Variants in GPC5 observed in about 807,000 individuals in gnomAD.
GPC5 encodes glypican-5.
GPC5 carries 47 observed loss-of-function variants against 53.9 expected under a neutral mutation model. That is an observed-to-expected ratio of 0.87 (90% CI 0.69 to 1.11). The LOEUF (loss-of-function observed/expected upper bound fraction) is 1.11, where lower values mean the gene tolerates loss of function less well. Ranked by LOEUF, GPC5 falls within the 50% of genes most tolerant of loss-of-function variation. The pLI is 0.00. For synonymous variants in GPC5, 286 were observed against 263.3 expected (o/e 1.09, Z -0.84); for missense variants, 748 against 713.1 (o/e 1.05, Z -0.56).
chr13:92,032,039 T>A (rs1467582695), intron 6 of GPC5, among the ~76,000 whole-genome samples: 13 of 135,454 alleles, frequency 9.6e-5, no homozygotes, highest in African/African-American at 3.6e-4. Context: ...TATATAAAAA[T>A]TTATATATAT....
chr13:92,073,463 G>A (rs2041228936), intron 6 of GPC5, among the ~76,000 whole-genome samples: 1 of 152,190 alleles, frequency 6.6e-6, no homozygotes, highest in African/African-American at 2.4e-5. Flanking sequence ...CTGGACAAAT[G>A]TAGGGCCTTC....
chr13:92,217,345 CCTG>C (rs1317788089), intron 7 of GPC5, among the ~76,000 whole-genome samples: 1 of 152,098 alleles, frequency 6.6e-6, no homozygotes, highest in Non-Finnish European at 1.5e-5. Context: ...TAGTAAGAAC[CCTG>C]CTAAGTCAGT....
chr13:91,970,788 A>C (rs1346908518), intron 6 of GPC5, among the ~76,000 whole-genome samples: 3 of 152,198 alleles, frequency 2.0e-5, no homozygotes, highest in African/African-American at 7.2e-5. Context: ...GTGAATGTTG[A>C]ACCAACCTTG....
At chr13:92,205,714 C>T (rs880546) in intron 7 of GPC5, among the ~76,000 whole-genome samples, 25,375 of 152,042 alleles carry the variant, frequency 0.17, 2,404 homozygotes, top group Admixed American at 0.21. Flanking sequence ...ATATACCTAA[C>T]GTTTGGAGGA....
At chr13:91,792,507 C>A (rs781450508) in intron 5 of GPC5, among the ~76,000 whole-genome samples, 1 of 152,200 alleles carries the variant, frequency 6.6e-6, no homozygotes, top group South Asian at 2.1e-4. Flanking sequence ...ACCACTCTGA[C>A]TTTCACCCTT....
intron 7 of GPC5, among the ~76,000 whole-genome samples, chr13:92,642,697 C>T (rs1318754687): frequency 6.6e-6 from 1 of 152,050 alleles, no homozygotes; most frequent in East Asian, 1.9e-4. Flanking sequence ...ACAGTTTAGC[C>T]GAGGGGAGCT....
chr13:91,968,007 C>T (rs1420505362), intron 6 of GPC5, among the ~76,000 whole-genome samples: 1 of 151,746 alleles, frequency 6.6e-6, no homozygotes, highest in Non-Finnish European at 1.5e-5. Flanking sequence ...TCTTTGGGAC[C>T]ATTATACTTT....
intron 4 of GPC5, among the ~76,000 whole-genome samples, chr13:91,743,669 GA>G: frequency 6.6e-6 from 1 of 152,238 alleles, no homozygotes; most frequent in East Asian, 1.9e-4. Context: ...CGAACTAGTA[GA>G]AAAAATTGTG....
intron 7 of GPC5, among the ~76,000 whole-genome samples, chr13:92,605,194 GA>G (rs1246661838): frequency 1.3e-5 from 2 of 152,176 alleles, no homozygotes; most frequent in Non-Finnish European, 2.9e-5. Context: ...AGAAAAAAGG[GA>G]AAGGCAATCA....
chr13:91,592,386 C>T (rs1036663678), intron 2 of GPC5, among the ~76,000 whole-genome samples: 3 of 152,104 alleles, frequency 2.0e-5, no homozygotes, highest in Admixed American at 1.3e-4. Context: ...CGAGCCTTGT[C>T]AGAGCCCCCT....
chr13:92,740,921 T>G (rs1208699800), intron 7 of GPC5, among the ~76,000 whole-genome samples: 3 of 143,384 alleles, frequency 2.1e-5, no homozygotes, highest in Admixed American at 7.1e-5. Context: ...TATATATATG[T>G]GCATATGTAT....
chr13:92,238,944 G>A (rs1195760485), intron 7 of GPC5, among the ~76,000 whole-genome samples: 1 of 150,778 alleles, frequency 6.6e-6, no homozygotes, highest in Non-Finnish European at 1.5e-5. Context: ...GTGAGGTAGG[G>A]CTCCAGTTTA....
At chr13:92,213,304 A>AT (rs1239568765) in intron 7 of GPC5, among the ~76,000 whole-genome samples, 1 of 152,066 alleles carries the variant, frequency 6.6e-6, no homozygotes, top group African/African-American at 2.4e-5. Flanking sequence ...CTTACAAATC[A>AT]TTTTTTTAAT....
chr13:92,787,679 A>AAAAG (rs1566418552), intron 7 of GPC5, among the ~76,000 whole-genome samples: 1 of 148,922 alleles, frequency 6.7e-6, no homozygotes, highest in African/African-American at 2.5e-5. Flanking sequence ...AAAAAAAAAA[A>AAAAG]AAAAGAAAAG....
At chr13:91,971,231 T>C (rs147958810) in intron 6 of GPC5, among the ~76,000 whole-genome samples, 5,135 of 152,254 alleles carry the variant, frequency 0.034, 305 homozygotes, top group African/African-American at 0.12. Flanking sequence ...CCATTTCTTC[T>C]AGATTTTCTA....
At chr13:92,802,556 C>T (rs777412475) in intron 7 of GPC5, among the ~76,000 whole-genome samples, 1 of 151,850 alleles carries the variant, frequency 6.6e-6, no homozygotes, top group African/African-American at 2.4e-5. Context: ...CCCAAATGTC[C>T]AACAATGATA....
chr13:91,763,339 A>G (rs1006983956), intron 5 of GPC5, among the ~76,000 whole-genome samples: 2 of 152,120 alleles, frequency 1.3e-5, no homozygotes, highest in Non-Finnish European at 2.9e-5. Flanking sequence ...TTTTTGTTAA[A>G]TGGGAATCTA....
chr13:91,772,051 G>A (rs1391573244), intron 5 of GPC5, among the ~76,000 whole-genome samples: 1 of 152,118 alleles, frequency 6.6e-6, no homozygotes, highest in Non-Finnish European at 1.5e-5. Flanking sequence ...ACCGAACACT[G>A]CTTGCCAACC....
At chr13:91,817,805 T>C (rs1043100986) in intron 5 of GPC5, among the ~76,000 whole-genome samples, 1 of 152,220 alleles carries the variant, frequency 6.6e-6, no homozygotes, top group Non-Finnish European at 1.5e-5. Context: ...CTCCCCATTC[T>C]TTCAACATAT....
Sources: gnomAD v4.1 joint callset for allele counts (sites outside exome capture counted in the v4.1 genomes callset) on GRCh38, gnomAD v4.1.1 for gene constraint, MANE v1.5 for transcripts, NCBI Gene and HGNC (gene_info 2026-07-23, HGNC 2026-07-21) for gene names.